The following GJA3 variants were observed in gnomAD, a reference collection of about 807,000 sequenced individuals.
GJA3 encodes gap junction protein alpha 3.
For synonymous variants in GJA3, 297 were observed against 292.6 expected (o/e 1.02, Z -0.15); for missense variants, 571 against 620.3 (o/e 0.92, Z 0.84).
intron 1 of GJA3, among the ~76,000 whole-genome samples, chr13:20,146,234 G>A (rs767073397): frequency 6.6e-6 from 1 of 152,176 alleles, no homozygotes; most frequent in Non-Finnish European, 1.5e-5. Flanking sequence ...TGAGGGAGGG[G>A]TCTGCTGCCC....
intron 1 of GJA3, among the ~76,000 whole-genome samples, chr13:20,158,930 A>G (rs1218684018): frequency 4.0e-5 from 6 of 150,866 alleles, no homozygotes; most frequent in Middle Eastern, 3.4e-3. Flanking sequence ...AAAAAAAAAA[A>G]AAAAAAGAAA....
rs1299052555 is a variant in GJA3, at chr13:20,142,181, C to A, written c.1108G>T (p.Ala370Ser). 4 of 1,513,092 alleles carry A rather than the reference C, an allele frequency of 2.6e-6. No homozygotes were observed. In the East Asian group the frequency reaches 7.5e-5, roughly 29 times the overall value. The allele number at this position is 1,513,092 out of a possible 1,614,324, so 93.7% of individuals were successfully genotyped here. Residue 370 changes from alanine to serine, a missense_variant, in exon 2 of 2, where the codon GCG (alanine) becomes TCG (serine). By Grantham distance (99) the Ala-to-Ser change is moderately conservative. Coordinates refer to ENST00000241125, the MANE Select transcript of GJA3 (RefSeq NM_021954.4). ...PPLAHEAEAG[A>S]APLLLDGSGS... is the part of the protein sequence containing the mutation. ...CTCCCATCCAGCAGCAGGGGCGCCG[C>A]GCCCGCCTCAGCCTCGTGCGCGAGT...
rs755929041 is a variant in GJA3, at chr13:20,142,515, G to C, written c.774C>G (p.Ser258Arg). ...CGATGGCAACGGCGGGCGGCCGGGAGCTGGGGGGCAGGGGCGGGGGATCGG... is the reference window on the plus strand; with the variant it reads ...CGATGGCAACGGCGGGCGGCCGGGACCTGGGGGGCAGGGGCGGGGGATCGG... ...GTADPPPLPP[S>R]SRPPAVAIGF... The change falls in exon 2 of 2, where the codon AGC becomes AGG. Residue 258 changes from serine (S) to arginine (R), a missense_variant. By Grantham distance (110) the Ser-to-Arg change is moderately radical. Transcript: ENST00000241125. 6 of 1,554,330 alleles carry C rather than the reference G, an allele frequency of 3.9e-6. No homozygotes were observed. The highest frequency in any genetic ancestry group is 5.2e-6 in the Non-Finnish European group (6 of 1,150,214).
intron 1 of GJA3, among the ~76,000 whole-genome samples, chr13:20,144,326 G>A (rs1566515887): frequency 6.6e-6 from 1 of 152,140 alleles, no homozygotes; most frequent in African/African-American, 2.4e-5. Flanking sequence ...CAGCAGAGCC[G>A]GGCCTTCAGT....
intron 1 of GJA3, among the ~76,000 whole-genome samples, chr13:20,145,911 C>T (rs1033380393): frequency 2.7e-4 from 41 of 152,304 alleles, no homozygotes; most frequent in African/African-American, 9.9e-4. Flanking sequence ...CCCACAGCCC[C>T]ACCTGCCAAG....
chr13:20,160,001 T>C (rs1389430612), intron 1 of GJA3, among the ~76,000 whole-genome samples: 2 of 152,320 alleles, frequency 1.3e-5, no homozygotes, highest in Admixed American at 1.3e-4. Flanking sequence ...TGTCAGCTGT[T>C]TGTATAGAAT....
At chr13:20,148,635 A>G (rs1340275513) in intron 1 of GJA3, among the ~76,000 whole-genome samples, 2 of 152,222 alleles carry the variant, frequency 1.3e-5, no homozygotes, top group East Asian at 3.9e-4. Flanking sequence ...TGTCGCAGAA[A>G]GACTCTTCTG....
chr13:20,158,939 AAAAG>A (rs1292543645), intron 1 of GJA3, among the ~76,000 whole-genome samples: 3 of 150,714 alleles, frequency 2.0e-5, no homozygotes, highest in Non-Finnish European at 4.4e-5. Context: ...AAAAAAAAGA[AAAAG>A]AAAAAGAAAA....
intron 1 of GJA3, among the ~76,000 whole-genome samples, chr13:20,157,363 A>C (rs569381809): frequency 6.6e-6 from 1 of 152,358 alleles, no homozygotes; most frequent in East Asian, 1.9e-4. Flanking sequence ...TTAAAAGGCA[A>C]TTTCCTCATA....
chr13:20,142,515 G>A lies in GJA3; in HGVS notation c.774C>T (p.Ser258=). 6.4e-7 allele frequency: 1 copy of A among 1,554,330 alleles called. No individual in the cohort carries two copies. The highest frequency in any genetic ancestry group is 8.7e-7 in the Non-Finnish European group (1 of 1,150,214). Residue 258 remains serine (S), a synonymous_variant, in exon 2 of 2, where the codon AGC becomes AGT. Transcript: ENST00000241125. ...GTADPPPLPP[S]SRPPAVAIGF... is the part of the protein sequence containing the mutation. ...CGATGGCAACGGCGGGCGGCCGGGA[G>A]CTGGGGGGCAGGGGCGGGGGATCGG...
chr13:20,142,674 G>A lies in GJA3; in HGVS notation c.615C>T (p.Ile205=), dbSNP rs767764333. The A allele has an allele frequency of 6.2e-7, 1 of 1,614,006 alleles. No homozygotes were observed. The highest frequency in any genetic ancestry group is 8.5e-7 in the Non-Finnish European group (1 of 1,179,998). Reference sequence around the variant, plus strand: ...ACGCGCAGGCCACCGCCAGCATGAAGATGATGAAGATGGTCTTCTCCGTGG... The same window carrying A: ...ACGCGCAGGCCACCGCCAGCATGAAAATGATGAAGATGGTCTTCTCCGTGG... ...SRPTEKTIFI[I]FMLAVACASL... Residue 205 remains isoleucine (I), a synonymous_variant, in exon 2 of 2, where the codon ATC becomes ATT. Coordinates refer to ENST00000241125, the MANE Select transcript of GJA3 (RefSeq NM_021954.4).
Position 20,142,550 on chromosome 13 carries a change from G to C in GJA3, c.739C>G (p.Leu247Val). 1 of 1,572,096 alleles carries C rather than the reference G, an allele frequency of 6.4e-7. No homozygotes were observed. ...AGGGGCGGGGGATCGGCTGTCCCCAGCGGGGCCTCGGAGGCGTCCGGGCCG... is the reference window on the plus strand; with the variant it reads ...AGGGGCGGGGGATCGGCTGTCCCCACCGGGGCCTCGGAGGCGTCCGGGCCG... ...RLGPDASEAP[L>V]GTADPPPLPP... The change falls in exon 2 of 2, where the codon CTG becomes GTG. Residue 247 changes from leucine to valine, a missense_variant. Transcript: ENST00000241125.
At chr13:20,150,391 G>A (rs2141142206) in intron 1 of GJA3, among the ~76,000 whole-genome samples, 1 of 149,576 alleles carries the variant, frequency 6.7e-6, no homozygotes, top group South Asian at 2.1e-4. Flanking sequence ...GTGTGTGTGT[G>A]TGTGTGTGTG....
Position 20,142,044 on chromosome 13 carries a change from A to G in GJA3, c.1245T>C (p.Gly415=), listed in dbSNP as rs1306051144. Residue 415 remains glycine (G), a synonymous_variant, in exon 2 of 2, where the codon GGT becomes GGC. Coordinates refer to ENST00000241125, the MANE Select transcript of GJA3 (RefSeq NM_021954.4). ...TGGCCCTGCTGGCCTTGCTGGCCCGACCTGGGTCTCCGAGGGGCAAGGGCG... is the reference window on the plus strand; with the variant it reads ...TGGCCCTGCTGGCCTTGCTGGCCCGGCCTGGGTCTCCGAGGGGCAAGGGCG... ...HQPPLPLGDP[G]RASKASRASS... is the part of the protein sequence containing the mutation. 7.7e-6 allele frequency: 12 copies of G among 1,550,118 alleles called. No individual in the cohort carries two copies. The highest frequency in any genetic ancestry group is 1.0e-5 in the Non-Finnish European group (12 of 1,146,812).
At chr13:20,148,111 G>A (rs1454869040) in intron 1 of GJA3, among the ~76,000 whole-genome samples, 1 of 152,050 alleles carries the variant, frequency 6.6e-6, no homozygotes, top group Non-Finnish European at 1.5e-5. Flanking sequence ...AATCTATCTG[G>A]GAGACTGACA....
intron 1 of GJA3, among the ~76,000 whole-genome samples, chr13:20,153,410 T>G (rs1365233043): frequency 1.3e-5 from 2 of 152,094 alleles, no homozygotes; most frequent in Non-Finnish European, 2.9e-5. Flanking sequence ...TAGACTGGAT[T>G]AAGAAAATGT....
In GJA3 at chr13:20,139,153, T is replaced by C. The variant is rs1593331529; in HGVS notation, c.*2828A>G. The C allele has an allele frequency of 6.6e-6, 1 of 152,202 alleles. No homozygotes were observed. Among genetic ancestry groups the C allele is most frequent in the East Asian group, 1.9e-4 (1 of 5,204 alleles). 9.4% of individuals were successfully genotyped at this position (152,202 alleles called of 1,614,324 possible). On this transcript the variant is annotated 3_prime_UTR_variant, in exon 2 of 2. Transcript: ENST00000241125. The stretch of plus-strand genomic sequence containing the variant: ...TGAGTGATAATATAAGTAATAGTTT[T>C]AGAATTTAAAAAATGATTTTTGGTA...
At chr13:20,155,010 C>A (rs1409726707) in intron 1 of GJA3, among the ~76,000 whole-genome samples, 1 of 152,060 alleles carries the variant, frequency 6.6e-6, no homozygotes, top group East Asian at 1.9e-4. Context: ...ACCACCACAG[C>A]CGATTAATTT....
rs971897008 is a variant in GJA3 at position 20,139,071 on chromosome 13, G to C, written c.*2910C>G. The C allele has an allele frequency of 6.6e-6, 1 of 152,008 alleles. No individual in the cohort carries two copies. The highest frequency in any genetic ancestry group is 1.5e-5 in the Non-Finnish European group (1 of 67,978). 9.4% of individuals were successfully genotyped at this position (152,008 alleles called of 1,614,324 possible). ...CTTTTGTAAATTTAAGGATTTATTCGTGTCAATTTTATTAAAAAATACAAG... is the reference window on the plus strand; with the variant it reads ...CTTTTGTAAATTTAAGGATTTATTCCTGTCAATTTTATTAAAAAATACAAG... On this transcript the variant is annotated 3_prime_UTR_variant, in exon 2 of 2. Coordinates refer to ENST00000241125, the MANE Select transcript of GJA3 (RefSeq NM_021954.4).
Sources: gnomAD v4.1 joint callset for allele counts (sites outside exome capture counted in the v4.1 genomes callset) on GRCh38, gnomAD v4.1.1 for gene constraint, MANE v1.5 for transcripts, NCBI Gene and HGNC (gene_info 2026-07-23, HGNC 2026-07-21) for gene names.